The following HLA-DQB1 variants were observed in gnomAD, a reference collection of about 807,000 sequenced individuals.
HLA-DQB1 encodes the protein HLA class II histocompatibility antigen, DQ beta 1 chain.
HLA-DQB1 carries 13 observed loss-of-function variants against 26.4 expected under a neutral mutation model. That is an observed-to-expected ratio of 0.49 (90% CI 0.32 to 0.78). HLA-DQB1 has a LOEUF of 0.78. Among genes scored for constraint, HLA-DQB1 ranks in the 30% least tolerant of loss-of-function variants. The pLI is 0.03. For synonymous variants in HLA-DQB1, 60 were observed against 129.1 expected, an observed-to-expected ratio of 0.46 and a Z score of 3.63; for missense variants, 158 against 326.2, an observed-to-expected ratio of 0.48 and a Z score of 3.97.
chr6:32,664,655 A>AC, intron 2 of HLA-DQB1, 143 bp downstream of exon 2: 44 of 134,280 alleles, frequency 3.3e-4, no homozygotes, highest in South Asian at 1.9e-3. Flanking sequence ...ACCTGCCCCC[A>AC]CCACCCCGCC....
Position 32,661,458 on chromosome 6 carries a change from C to T in HLA-DQB1, c.662-1G>A. 9.3e-7 allele frequency: 1 copy of T among 1,071,984 alleles called. No individual in the cohort carries two copies. The highest frequency in any genetic ancestry group is 2.3e-5 in the African/African-American group (1 of 43,954). The allele number at this position is 1,071,984 out of a possible 1,614,324, so 66.4% of individuals were successfully genotyped here. ...CTCTGGGCAGATTCAGACTGAGCCC[C>T]TAAAGAGCAGAACTGAGTGTCTGTG... On this transcript the variant is annotated splice_acceptor_variant, in intron 3 of 4. Coordinates refer to ENST00000434651, the Ensembl canonical transcript of HLA-DQB1. LOFTEE classifies it high-confidence loss of function.
chr6:32,665,109 C>CTG (rs761305338), intron 1 of HLA-DQB1, 42 bp from the exon 2 acceptor site: 93,405 of 1,023,704 alleles, frequency 0.091, 14,501 homozygotes, highest in South Asian at 0.19. Flanking sequence ...CCCAGCCCGG[C>CTG]CGCCCCCGCA....
chr6:32,666,281 C>T lies in HLA-DQB1; in HGVS notation c.109+218G>A, dbSNP rs117000147. 0.016 allele frequency among the ~76,000 whole-genome samples: 2,193 copies of T among 137,564 alleles called. 118 individuals are homozygous for T. The South Asian group carries it at 0.17, about 11-fold the overall frequency. 90.2% of individuals were successfully genotyped at this position (137,564 alleles called of 152,430 possible). On this transcript the variant is annotated intron_variant, in intron 1 of 4. Transcript: ENST00000434651. ...TCTCCTCTTTCTCTCCTCTCTCCTC[C>T]TCTTCCAGGCTTAAGCCTGTAGGAT...
chr6:32,661,245 T>TTCA (rs9282088), intron 4 of HLA-DQB1, 102 bp downstream of exon 4: 1 of 492,292 alleles, frequency 2.0e-6, no homozygotes, highest in African/African-American at 2.2e-5. Context: ...CTCGCACTTC[T>TTCA]TCTCAGGGTC....
chr6:32,665,011 C>T lies in HLA-DQB1; in HGVS notation c.166G>A (p.Val56Met), dbSNP rs281862059. Reference sequence around the variant, plus strand: ...TAGATGTATCTGGTCACAAGACGCACGCGCTCCGTCCCGTTGGTGAAGTAG... The same window carrying T: ...TAGATGTATCTGGTCACAAGACGCATGCGCTCCGTCCCGTTGGTGAAGTAG... Residue 56 changes from valine to methionine, a missense_variant, in exon 2 of 5, where the codon GTG (valine) becomes ATG (methionine). Transcript: ENST00000434651. 8.7e-6 allele frequency: 12 copies of T among 1,385,460 alleles called. 2 individuals are homozygous for T. The highest frequency in any genetic ancestry group is 1.2e-5 in the Non-Finnish European group (12 of 990,750). 85.8% of individuals were successfully genotyped at this position (1,385,460 alleles called of 1,614,324 possible). A position where few individuals can be genotyped will look rare whatever the true frequency, so the allele number is the denominator to read the frequency against.
chr6:32,666,612 G>T, exon 1 of HLA-DQB1: 1 of 990,636 alleles, frequency 1.0e-6, no homozygotes. Context: ...AGACATAACT[G>T]AGACGAAGGG....
chr6:32,660,473 T>C, intron 4 of HLA-DQB1: 1 of 359,380 alleles, frequency 2.8e-6, no homozygotes. Flanking sequence ...GCTGTTATTC[T>C]TCTGGGGAAT....
chr6:32,664,939 G>A (rs756656462), exon 2 of HLA-DQB1: 1 of 1,357,724 alleles, frequency 7.4e-7, no homozygotes, highest in Non-Finnish European at 1.0e-6. Context: ...GTCACCGCGC[G>A]GTACACCCCC....
chr6:32,666,511 T>C, exon 1 of HLA-DQB1: 2 of 1,108,316 alleles, frequency 1.8e-6, no homozygotes, highest in Non-Finnish European at 2.6e-6. Flanking sequence ...GGAGAGTCTC[T>C]GCCCTCAGCC....
At chr6:32,665,398 C>A (rs281861774) in intron 1 of HLA-DQB1, among the ~76,000 whole-genome samples, 2 of 142,442 alleles carry the variant, frequency 1.4e-5, no homozygotes, top group Non-Finnish European at 1.5e-5. Context: ...CATGAAATCC[C>A]ATTTTTCATG....
Position 32,666,520 on chromosome 6 carries a change from C to CCA in HLA-DQB1, c.86_87dup (p.Ala30TrpfsTer31), listed in dbSNP as rs766997858. 2 of 1,141,638 alleles carry CCA rather than the reference C, an allele frequency of 1.8e-6. No individual in the cohort carries two copies. Among genetic ancestry groups the CCA allele is most frequent in the East Asian group, 5.4e-5 (2 of 36,940 alleles). 70.7% of individuals were successfully genotyped at this position (1,141,638 alleles called of 1,614,324 possible). The stretch of plus-strand genomic sequence containing the variant: ...TTACCGGGAGAGTCTCTGCCCTCAG[C>CCA]CAGTAGGGAGCTCAGCATCGCCAGC... On this transcript the variant is annotated frameshift_variant, in exon 1 of 5. Coordinates refer to ENST00000434651, the Ensembl canonical transcript of HLA-DQB1. LOFTEE classifies it high-confidence loss of function.
chr6:32,660,304 TC>T, intron 4 of HLA-DQB1, 55 bp from the exon 5 acceptor site: 2 of 925,448 alleles, frequency 2.2e-6, no homozygotes, highest in Non-Finnish European at 1.6e-6. Context: ...GGGCCTGCCA[TC>T]TCCCCCACCC....
chr6:32,665,154 C>T (rs9274415), intron 1 of HLA-DQB1, 87 bp from the exon 2 acceptor site: 2 of 794,958 alleles, frequency 2.5e-6, no homozygotes, highest in Non-Finnish European at 3.5e-6. Flanking sequence ...GCTGTGGAAC[C>T]GCCCGCGCGA....
chr6:32,665,117 G>GGC (rs759979882), intron 1 of HLA-DQB1, 50 bp from the exon 2 acceptor site: 4 of 780,942 alleles, frequency 5.1e-6, no homozygotes, highest in South Asian at 2.7e-5. Flanking sequence ...GGCCGCCCCC[G>GGC]CAGCCGCCGC....
intron 1 of HLA-DQB1, among the ~76,000 whole-genome samples, chr6:32,665,427 G>T (rs281861747): frequency 7.3e-6 from 1 of 136,598 alleles, no homozygotes; most frequent in African/African-American, 2.6e-5. Context: ...GGATACCTCA[G>T]AGATAAAGTT....
chr6:32,662,675 C>T (rs115432420), intron 2 of HLA-DQB1: 31,239 of 104,174 alleles, frequency 0.3, 7,260 homozygotes, highest in South Asian at 0.36. Flanking sequence ...AAAAAAATGA[C>T]ACATCTTTCC....
At position 32,665,194 on chromosome 6, in the gene HLA-DQB1, G is replaced by T. The variant is rs281861946; in HGVS notation, c.110-127C>A. 2.5e-5 allele frequency: 14 copies of T among 550,840 alleles called. 3 individuals carry two copies. Among genetic ancestry groups the T allele is most frequent in the African/African-American group, 4.3e-5 (2 of 47,006 alleles). 34.1% of individuals were successfully genotyped at this position (550,840 alleles called of 1,614,324 possible). On this transcript the variant is annotated intron_variant, in intron 1 of 4. Coordinates refer to ENST00000434651, the Ensembl canonical transcript of HLA-DQB1. ...CAGTTCCCGCCCGCCCGTGCCTGGC[G>T]CTCCAGACCTGGGATCCTCCCGGCG...
At chr6:32,662,672 TG>T (rs1186932803) in intron 2 of HLA-DQB1, 9,168 of 92,258 alleles carry the variant, frequency 0.099, 1,523 homozygotes, top group South Asian at 0.11. Flanking sequence ...GTAAAAAAAA[TG>T]ACACATCTTT....
chr6:32,666,210 C>T lies in HLA-DQB1; in HGVS notation c.109+289G>A, dbSNP rs116850050. Among the ~76,000 whole-genome samples, 1,950 of 150,886 alleles carry T rather than the reference C, an allele frequency of 0.013. 105 individuals carry two copies. The South Asian group carries it at 0.14, about 11-fold the overall frequency. ...GAGAAATTCATATCTTCAAAAATAA[C>T]CCCATGCTCACTTTGTCCTATCGCT... is the stretch of plus-strand genomic sequence containing the variant. On this transcript the variant is annotated intron_variant, in intron 1 of 4. Coordinates refer to ENST00000434651, the Ensembl canonical transcript of HLA-DQB1.
Sources: allele counts gnomAD v4.1 joint callset (sites outside exome capture counted in the v4.1 genomes callset), GRCh38; gene constraint gnomAD v4.1.1; transcripts MANE v1.5; gene names NCBI Gene and HGNC (gene_info 2026-07-23, HGNC 2026-07-21).